ZNF385D: variants seen among roughly 807,000 people sequenced by gnomAD.
The protein encoded by ZNF385D is zinc finger protein 659.
Under a neutral mutation model 35.8 loss-of-function variants are expected in ZNF385D, and 15 were observed. The observed-to-expected ratio is 0.42, with a 90% CI of 0.28 to 0.64. The LOEUF is 0.64. Among genes scored for constraint, ZNF385D ranks in the 30% least tolerant of loss-of-function variants. ZNF385D has a pLI of 0.23. For synonymous variants in ZNF385D, 212 were observed against 186.8 expected (o/e 1.13, Z -1.10); for missense variants, 474 against 494.6 (o/e 0.96, Z 0.39).
chr3:21,964,452 A>AAAAAT (rs1702779656), intron 3 of ZNF385D, among the ~76,000 whole-genome samples: 1 of 140,484 alleles, frequency 7.1e-6, no homozygotes, highest in Non-Finnish European at 1.5e-5. Context: ...AAAAAGAAAA[A>AAAAAT]GATGTCCAAT....
At chr3:22,147,936 C>T (rs539119338) in intron 3 of ZNF385D, among the ~76,000 whole-genome samples, 3 of 152,134 alleles carry the variant, frequency 2.0e-5, no homozygotes, top group Admixed American at 6.5e-5. Context: ...GAAAAAAAGT[C>T]GATCTAAAGT....
intron 3 of ZNF385D, among the ~76,000 whole-genome samples, chr3:21,887,550 T>C (rs1698612618): frequency 1.3e-5 from 2 of 152,122 alleles, no homozygotes; most frequent in African/African-American, 4.8e-5. Context: ...TTCTGAGTAT[T>C]AGGGAGGCAA....
chr3:21,625,095 T>C (rs958983764), intron 2 of ZNF385D, among the ~76,000 whole-genome samples: 3 of 152,186 alleles, frequency 2.0e-5, no homozygotes, highest in South Asian at 2.1e-4. Context: ...TAGATCAAAA[T>C]TGACTTTCGG....
At chr3:21,750,832 G>C in intron 1 of ZNF385D, 63 bp downstream of exon 1, 2 of 1,603,472 alleles carry the variant, frequency 1.2e-6, no homozygotes, top group Non-Finnish European at 1.7e-6. Flanking sequence ...TTTTTTAAGG[G>C]CTTGTCTGCA....
In ZNF385D at chr3:22,241,761, C is replaced by CT. The variant is rs529636012; in HGVS notation, c.107-72727dup. On this transcript the variant is annotated intron_variant, in intron 2 of 5. Transcript: ENST00000494108. ...GAGGTGAGAAATACCTAAAAAAAAC[C>CT]TTTTTTTTCTTTAGAAAATAATAGT... Among the ~76,000 whole-genome samples the CT allele has an allele frequency of 1.0e-4, 15 of 150,334 alleles. 1 individual carries two copies. Among genetic ancestry groups the CT allele is most frequent in the Non-Finnish European group, 1.5e-4 (10 of 67,792 alleles).
At chr3:21,725,421 T>C (rs1394428476) in intron 1 of ZNF385D, among the ~76,000 whole-genome samples, 2 of 151,916 alleles carry the variant, frequency 1.3e-5, no homozygotes, top group Admixed American at 6.6e-5. Context: ...ATCAACAAAA[T>C]AGATAGACCG....
intron 3 of ZNF385D, among the ~76,000 whole-genome samples, chr3:21,949,851 C>T (rs1701977654): frequency 6.6e-6 from 1 of 152,114 alleles, no homozygotes; most frequent in Non-Finnish European, 1.5e-5. Context: ...ATGACCATTT[C>T]CAGCTTCATT....
At chr3:21,573,197 T>C (rs2063384784) in intron 2 of ZNF385D, among the ~76,000 whole-genome samples, 2 of 152,200 alleles carry the variant, frequency 1.3e-5, no homozygotes, top group African/African-American at 4.8e-5. Flanking sequence ...TTAGGTTCTC[T>C]AGATATACAG....
chr3:21,897,785 C>T (rs984939642), intron 3 of ZNF385D, among the ~76,000 whole-genome samples: 1 of 152,106 alleles, frequency 6.6e-6, no homozygotes, highest in Non-Finnish European at 1.5e-5. Context: ...ATGCGCAGAA[C>T]TTCATATAGA....
rs116162801 is a variant in ZNF385D, at chr3:21,634,675, G to A, written c.165+30211C>T. 3.6e-3 allele frequency among the ~76,000 whole-genome samples: 547 copies of A among 151,924 alleles called. 2 individuals carry two copies. Among genetic ancestry groups the A allele is most frequent in the African/African-American group, 0.013 (519 of 41,474 alleles). Reference sequence around the variant, plus strand: ...AGCTTTTCTAACTACATAATATAACGTTCCTGGTAAATTGCATGTCTGTTT... The same window carrying A: ...AGCTTTTCTAACTACATAATATAACATTCCTGGTAAATTGCATGTCTGTTT... On this transcript the variant is annotated intron_variant, in intron 2 of 7. Coordinates refer to ENST00000281523, the MANE Select transcript of ZNF385D (RefSeq NM_024697.3).
At chr3:22,140,606 G>A (rs1050045613) in intron 3 of ZNF385D, among the ~76,000 whole-genome samples, 35 of 152,162 alleles carry the variant, frequency 2.3e-4, no homozygotes, top group Non-Finnish European at 4.6e-4. Flanking sequence ...TTCCTCATGT[G>A]ATAAAGTACT....
chr3:22,309,906 T>G (rs1417907406), intron 2 of ZNF385D, among the ~76,000 whole-genome samples: 3 of 151,880 alleles, frequency 2.0e-5, no homozygotes, highest in Non-Finnish European at 4.4e-5. Context: ...TAAAGAGACA[T>G]TATAAGAGCC....
At chr3:22,086,814 T>A (rs1253750279) in intron 3 of ZNF385D, among the ~76,000 whole-genome samples, 1 of 152,158 alleles carries the variant, frequency 6.6e-6, no homozygotes, top group Non-Finnish European at 1.5e-5. Context: ...ACCATCATTC[T>A]GAGCAAACTA....
At chr3:22,030,274 T>TAC (rs1697872536) in intron 3 of ZNF385D, among the ~76,000 whole-genome samples, 3 of 86,790 alleles carry the variant, frequency 3.5e-5, no homozygotes, top group East Asian at 7.7e-4. Context: ...TATATATATA[T>TAC]ATATATATAT....
At chr3:21,612,993 C>CT (rs11336822) in intron 2 of ZNF385D, among the ~76,000 whole-genome samples, 115 of 137,252 alleles carry the variant, frequency 8.4e-4, no homozygotes, top group South Asian at 7.4e-3. Context: ...TTTCTTTTTT[C>CT]TTTTTTTTTT....
chr3:21,887,073 C>G (rs1296421045), intron 3 of ZNF385D, among the ~76,000 whole-genome samples: 1 of 152,112 alleles, frequency 6.6e-6, no homozygotes, highest in Non-Finnish European at 1.5e-5. Flanking sequence ...CAAGTTGCCC[C>G]ATTATGCTTC....
At chr3:21,924,684 T>C (rs914479149) in intron 3 of ZNF385D, among the ~76,000 whole-genome samples, 1 of 152,082 alleles carries the variant, frequency 6.6e-6, no homozygotes, top group Non-Finnish European at 1.5e-5. Flanking sequence ...CAGGGAGTAA[T>C]AAGGCCCTAC....
intron 2 of ZNF385D, among the ~76,000 whole-genome samples, chr3:21,581,613 C>T (rs1055087378): frequency 2.0e-5 from 3 of 152,160 alleles, no homozygotes; most frequent in African/African-American, 7.2e-5. Context: ...GGAGAAAAAG[C>T]TGGTCCAAGA....
chr3:21,464,226 G>A (rs1189909161), intron 4 of ZNF385D, among the ~76,000 whole-genome samples: 1 of 152,044 alleles, frequency 6.6e-6, no homozygotes. Context: ...ATCGCTGACT[G>A]GAGGTTTAAT....
Sources: gnomAD v4.1 joint callset for allele counts (sites outside exome capture counted in the v4.1 genomes callset) on GRCh38, gnomAD v4.1.1 for gene constraint, MANE v1.5 for transcripts, NCBI Gene and HGNC (gene_info 2026-07-23, HGNC 2026-07-21) for gene names.